Variants in LARS1 observed in about 807,000 individuals in gnomAD.
The protein encoded by LARS1 is leucine--tRNA ligase, cytoplasmic.
LARS1 carries 100 observed loss-of-function variants against 162.8 expected under a neutral mutation model. That is an observed-to-expected ratio of 0.61 (90% CI 0.52 to 0.73). LARS1 has a LOEUF of 0.73. Ranked by LOEUF, LARS1 falls within the 30% of genes least tolerant of loss-of-function variation. The pLI, the probability that LARS1 is intolerant of heterozygous loss-of-function variation, is 0.00. For synonymous variants in LARS1, 457 were observed against 462.8 expected (o/e 0.99, Z 0.16); for missense variants, 1,258 against 1,408.9 (o/e 0.89, Z 1.71).
At chr5:146,154,249 A>G (rs1191476225) in intron 10 of LARS1, among the ~76,000 whole-genome samples, 14 of 152,238 alleles carry the variant, frequency 9.2e-5, no homozygotes, top group South Asian at 2.1e-4. Context: ...CTATCATAGC[A>G]TTCTACAGGC....
intron 7 of LARS1, among the ~76,000 whole-genome samples, chr5:146,160,064 G>A (rs1561823514): frequency 6.6e-6 from 1 of 152,026 alleles, no homozygotes; most frequent in African/African-American, 2.4e-5. Flanking sequence ...CAAAAGAATA[G>A]AAACAACATA....
chr5:146,182,206 G>T (rs1484593556), intron 1 of LARS1: 5 of 467,222 alleles, frequency 1.1e-5, no homozygotes, highest in Non-Finnish European at 2.0e-5. Context: ...CTCCCAAAGT[G>T]CTGGGATTAC....
intron 25 of LARS1, 42 bp from the exon 26 acceptor site, chr5:146,129,160 G>C: frequency 6.7e-7 from 1 of 1,499,556 alleles, no homozygotes; most frequent in Non-Finnish European, 9.0e-7. Context: ...AGTGAGATTA[G>C]ACAATATAAC....
intron 4 of LARS1, among the ~76,000 whole-genome samples, chr5:146,168,715 A>C (rs1476445739): frequency 6.6e-6 from 1 of 152,134 alleles, no homozygotes; most frequent in Non-Finnish European, 1.5e-5. Context: ...TAAATTAAAA[A>C]AAGGTATAAA....
chr5:146,126,326 T>C (rs1752039917), intron 28 of LARS1, 109 bp downstream of exon 28: 1 of 618,340 alleles, frequency 1.6e-6, no homozygotes, highest in African/African-American at 1.9e-5. Context: ...AAAGTGCTAT[T>C]TTAGCAGATT....
At chr5:146,121,638 A>G (rs1751822397) in intron 30 of LARS1, among the ~76,000 whole-genome samples, 1 of 152,204 alleles carries the variant, frequency 6.6e-6, no homozygotes, top group African/African-American at 2.4e-5. Flanking sequence ...ATGGAATACT[A>G]TGCAGCCATA....
chr5:146,121,184 C>G (rs17104254), intron 30 of LARS1, among the ~76,000 whole-genome samples: 1 of 152,106 alleles, frequency 6.6e-6, no homozygotes, highest in African/African-American at 2.4e-5. Flanking sequence ...GAGCATATTC[C>G]TTACATGATG....
intron 31 of LARS1, among the ~76,000 whole-genome samples, chr5:146,116,903 A>C (rs1319789981): frequency 6.6e-6 from 1 of 152,216 alleles, no homozygotes; most frequent in Non-Finnish European, 1.5e-5. Flanking sequence ...TATGTTACTG[A>C]ATTTAACTCC....
At chr5:146,168,079 C>A in intron 5 of LARS1, 49 bp downstream of exon 5, 1 of 1,493,858 alleles carries the variant, frequency 6.7e-7, no homozygotes, top group South Asian at 1.2e-5. Flanking sequence ...ACATATAAAT[C>A]AGAAAAATAT....
intron 10 of LARS1, among the ~76,000 whole-genome samples, chr5:146,155,311 A>G (rs2126527671): frequency 6.6e-6 from 1 of 152,276 alleles, no homozygotes; most frequent in South Asian, 2.1e-4. Context: ...AACAACAACT[A>G]ATTATTTTTT....
At chr5:146,159,360 C>G (rs1753671998) in intron 8 of LARS1, 47 bp downstream of exon 8, 1 of 1,430,192 alleles carries the variant, frequency 7.0e-7, no homozygotes, top group Non-Finnish European at 9.8e-7. Flanking sequence ...ACTCTATAGT[C>G]TTATTAAGGA....
Position 146,157,742 on chromosome 5 carries a change from G to C in LARS1, c.825C>G (p.Tyr275Ter), listed in dbSNP as rs1753595544. The C allele has an allele frequency of 6.2e-7, 1 of 1,614,054 alleles. No individual in the cohort carries two copies. The highest frequency in any genetic ancestry group is 1.1e-5 in the South Asian group (1 of 91,082). Reference sequence around the variant, plus strand: ...GGCAAACCTACCTTAATTTAGATGGGTATGGCTCAAGCACCTTCAATTTGA... The same window carrying C: ...GGCAAACCTACCTTAATTTAGATGGCTATGGCTCAAGCACCTTCAATTTGA... ...TLLKLKVLEP[Y>*]PSKLSGLKGK... Residue 275 changes from tyrosine (Y) to a stop codon, truncating the protein, a stop_gained, in exon 9 of 32, where the codon TAC (tyrosine) becomes TAG (stop). Transcript: ENST00000394434. LOFTEE classifies it high-confidence loss of function.
rs537529911 is a variant in LARS1, at chr5:146,126,067, AC to A, written c.2991+367del. On this transcript the variant is annotated intron_variant, in intron 28 of 31. Transcript: ENST00000394434. ...GGTCTAACCACTATAACCAATGTTT[AC>A]CCTGTTAAGCTATACCTATACAAAT... is the stretch of plus-strand genomic sequence containing the variant. Among the ~76,000 whole-genome samples the A allele has an allele frequency of 5.3e-5, 8 of 152,112 alleles. 1 individual carries two copies. The South Asian group carries it at 1.5e-3, about 28-fold the overall frequency.
chr5:146,126,388 C>T, intron 28 of LARS1, 47 bp downstream of exon 28: 2 of 1,172,334 alleles, frequency 1.7e-6, no homozygotes, highest in Non-Finnish European at 2.5e-6. Flanking sequence ...ATTGTCCCAT[C>T]TAACCATTGC....
At chr5:146,122,399 G>T (rs1751865230) in intron 30 of LARS1, 93 bp downstream of exon 30, 2 of 704,332 alleles carry the variant, frequency 2.8e-6, no homozygotes, top group Non-Finnish European at 4.9e-6. Context: ...ACCTTACTTT[G>T]TTCTATTTTT....
intron 23 of LARS1, chr5:146,132,648 GTTTC>G (rs1752335058): frequency 3.2e-6 from 1 of 311,940 alleles, no homozygotes; most frequent in South Asian, 1.1e-4. Flanking sequence ...CTAAGCTTCA[GTTTC>G]TTTATTTATA....
intron 28 of LARS1, among the ~76,000 whole-genome samples, chr5:146,124,312 C>T (rs1751956406): frequency 6.6e-6 from 1 of 151,804 alleles, no homozygotes; most frequent in Non-Finnish European, 1.5e-5. Context: ...TATGGCAGCA[C>T]TGAAAAGATG....
intron 15 of LARS1, among the ~76,000 whole-genome samples, chr5:146,146,775 G>A (rs904241328): frequency 3.3e-5 from 5 of 151,048 alleles, no homozygotes; most frequent in South Asian, 2.1e-4. Flanking sequence ...GTGTGGTGGC[G>A]CCGTCTCGAC....
chr5:146,181,196 C>CA (rs1295901611), intron 1 of LARS1: 1 of 151,714 alleles, frequency 6.6e-6, no homozygotes, highest in Non-Finnish European at 1.5e-5. Context: ...TACTAAAATA[C>CA]AAAAAATTTA....
Sources: gnomAD v4.1 joint callset for allele counts (sites outside exome capture counted in the v4.1 genomes callset) on GRCh38, gnomAD v4.1.1 for gene constraint, MANE v1.5 for transcripts, NCBI Gene and HGNC (gene_info 2026-07-23, HGNC 2026-07-21) for gene names.